The following ZNF324B variants were observed in gnomAD, a reference collection of about 807,000 sequenced individuals.
ZNF324B encodes zinc finger protein 324B.
A neutral mutation model predicts 10.6 loss-of-function variants in ZNF324B; 7 were observed. That is an observed-to-expected ratio of 0.66 (90% CI 0.38 to 1.24). The LOEUF (loss-of-function observed/expected upper bound fraction) is 1.24. Ranked by LOEUF, ZNF324B falls within the 50% of genes most tolerant of loss-of-function variation. ZNF324B has a pLI of 0.02. For missense variants in ZNF324B, 640 were observed against 764.7 expected (o/e 0.84, Z 1.92); for synonymous variants, 316 against 321.0 (o/e 0.98, Z 0.17).
rs1431927188 is a variant in ZNF324B at position 58,455,796 on chromosome 19, C to G, written c.852C>G (p.Pro284=). ...KHLRTHTGER[P]YECTQCGKAF... is the part of the protein sequence containing the mutation. ...TACGCACCCACACCGGGGAGCGGCC[C>G]TACGAGTGCACCCAGTGCGGCAAGG... Residue 284 remains proline, a synonymous_variant, in exon 4 of 4, where the codon CCC becomes CCG. Coordinates refer to ENST00000336614, the MANE Select transcript of ZNF324B (RefSeq NM_207395.3). The surrounding 1 kb of genome is among the most constrained non-coding windows in gnomAD (Gnocchi z 7.0). The G allele has an allele frequency of 1.9e-6, 3 of 1,614,136 alleles. No homozygotes were observed. Among genetic ancestry groups the G allele is most frequent in the South Asian group, 1.1e-5 (1 of 91,092 alleles).
chr19:58,421,601 G>A, the ZNF324B span, among the ~76,000 whole-genome samples: 5 of 152,004 alleles, frequency 3.3e-5, no homozygotes, highest in African/African-American at 1.2e-4. Context: ...GGCTGGTCTC[G>A]AACCCCTGAC....
chr19:58,430,820 A>G, the ZNF324B span: 1 of 152,218 alleles, frequency 6.6e-6, no homozygotes, highest in Admixed American at 6.5e-5. Flanking sequence ...TCCCATAGCC[A>G]CTGCTCTTGA....
the ZNF324B span, chr19:58,440,223 A>C: frequency 3.8e-6 from 1 of 265,344 alleles, no homozygotes; most frequent in Non-Finnish European, 7.3e-6. Flanking sequence ...TCATTGGCTC[A>C]AGGATCCCCG....
At chr19:58,437,873 C>T in the ZNF324B span, 2 of 835,296 alleles carry the variant, frequency 2.4e-6, no homozygotes, top group Non-Finnish European at 2.9e-6. Context: ...GAACCATAAG[C>T]AGATCTCAAA....
chr19:58,453,369 G>A (rs1164264276), intron 1 of ZNF324B: 6 of 412,022 alleles, frequency 1.5e-5, no homozygotes, highest in Middle Eastern at 7.3e-4. Context: ...GCACATCTGG[G>A]GAGGGTCATG....
At position 58,453,782 on chromosome 19, in the gene ZNF324B, C is replaced by G; in HGVS notation, c.81C>G (p.Arg27=). 1 of 1,614,146 alleles carries G rather than the reference C, an allele frequency of 6.2e-7. No individual in the cohort carries two copies. Among genetic ancestry groups the G allele is most frequent in the South Asian group, 1.1e-5 (1 of 91,086 alleles). ...LLDTAQRALY[R]HVMLENFTLV... is the part of the protein sequence containing the mutation. ...ACACAGCGCAGAGGGCCCTGTACCG[C>G]CACGTGATGCTGGAAAACTTCACAC... Residue 27 remains arginine (R), a synonymous_variant, in exon 2 of 4, where the codon CGC becomes CGG. Transcript: ENST00000336614.
chr19:58,437,579 C>T, the ZNF324B span: 7 of 656,672 alleles, frequency 1.1e-5, no homozygotes, highest in Non-Finnish European at 1.3e-5. Flanking sequence ...TTTCTTAAGC[C>T]TCTTGTACCA....
chr19:58,427,376 T>TTCTTTC, the ZNF324B span, among the ~76,000 whole-genome samples: 1 of 47,528 alleles, frequency 2.1e-5, no homozygotes, highest in Non-Finnish European at 3.9e-5. Context: ...CTTTCTTTCT[T>TTCTTTC]TCTTTCTTTC....
chr19:58,437,848 A>G, the ZNF324B span: 1 of 957,162 alleles, frequency 1.0e-6, no homozygotes, highest in Non-Finnish European at 1.2e-6. Context: ...TGTTCCTTCA[A>G]CCATCAGCTG....
the ZNF324B span, among the ~76,000 whole-genome samples, chr19:58,427,734 C>T: frequency 6.6e-6 from 1 of 151,574 alleles, no homozygotes; most frequent in Non-Finnish European, 1.5e-5. Context: ...TAGCTCACTG[C>T]AGTCTTGAAC....
At chr19:58,435,073 T>C in the ZNF324B span, 2 of 1,614,072 alleles carry the variant, frequency 1.2e-6, no homozygotes, top group Non-Finnish European at 1.7e-6. Flanking sequence ...CAAAATGTCT[T>C]TCAAGAATGG....
At chr19:58,424,218 C>T in the ZNF324B span, among the ~76,000 whole-genome samples, 1 of 152,104 alleles carries the variant, frequency 6.6e-6, no homozygotes, top group Non-Finnish European at 1.5e-5. Context: ...CATTGCACTC[C>T]AGCCTGGGCA....
At chr19:58,451,838 A>G (rs1193432656) in intron 1 of ZNF324B, 134 bp downstream of exon 1, 1 of 280,804 alleles carries the variant, frequency 3.6e-6, no homozygotes, top group Non-Finnish European at 7.0e-6. Context: ...GAGGCAGCGC[A>G]TTGGGCATTC....
chr19:58,436,043 A>G, the ZNF324B span, among the ~76,000 whole-genome samples: 3 of 152,266 alleles, frequency 2.0e-5, no homozygotes, highest in African/African-American at 7.2e-5. Context: ...ACATGCTACA[A>G]CATTGATGAA....
chr19:58,421,958 C>T, the ZNF324B span, among the ~76,000 whole-genome samples: 1 of 152,140 alleles, frequency 6.6e-6, no homozygotes, highest in African/African-American at 2.4e-5. Context: ...CGCTCTGTAA[C>T]CCAGGCTGGA....
At chr19:58,434,640 T>C in the ZNF324B span, 1 of 1,614,248 alleles carries the variant, frequency 6.2e-7, no homozygotes, top group Non-Finnish European at 8.5e-7. Flanking sequence ...AATTTCCACC[T>C]GTTGGGCATG....
At chr19:58,439,720 A>C in the ZNF324B span, 2 of 1,492,856 alleles carry the variant, frequency 1.3e-6, no homozygotes, top group South Asian at 2.6e-5. Context: ...TGAGGGCCGG[A>C]ATCCCAGCGG....
chr19:58,424,761 G>A, the ZNF324B span, among the ~76,000 whole-genome samples: 1 of 151,726 alleles, frequency 6.6e-6, no homozygotes, highest in Non-Finnish European at 1.5e-5. Context: ...GAGCCCAAGA[G>A]TCCAAGTCCA....
In ZNF324B at chr19:58,452,348, A is replaced by AC. The variant is rs936099508; in HGVS notation, c.-7+644_-7+645insC. 4.1e-4 allele frequency: 15 copies of AC among 36,634 alleles called. No individual in the cohort carries two copies. The African/African-American group carries it at 6.3e-3, about 15-fold the overall frequency. The allele number at this position is 36,634 out of a possible 1,614,324, so 2.3% of individuals were successfully genotyped here. A position where few individuals can be genotyped will look rare whatever the true frequency, so the allele number is the denominator to read the frequency against. On this transcript the variant is annotated intron_variant, in intron 1 of 3. Transcript: ENST00000336614. ...ATCTCGAGGGCGTCGGGAGACATAGAAGTTTTGAACAGAATCAGGACATCC... is the reference window on the plus strand; with the variant it reads ...ATCTCGAGGGCGTCGGGAGACATAGACAGTTTTGAACAGAATCAGGACATCC...
Sources: allele counts gnomAD v4.1 joint callset (sites outside exome capture counted in the v4.1 genomes callset), GRCh38; gene constraint gnomAD v4.1.1; non-coding constraint Gnocchi (gnomAD v3.1); transcripts MANE v1.5; gene names NCBI Gene and HGNC (gene_info 2026-07-23, HGNC 2026-07-21).